Variants in EMSY observed in about 807,000 individuals in gnomAD.
The protein encoded by EMSY is EMSY transcriptional repressor, BRCA2 interacting, also known as BRCA2-interacting transcriptional repressor EMSY.
EMSY carries 26 observed loss-of-function variants against 134.6 expected under a neutral mutation model. That is an observed-to-expected ratio of 0.19 (90% CI 0.14 to 0.27). EMSY has a LOEUF of 0.27. EMSY is among the 10% of genes least tolerant of loss of function. The probability of loss-of-function intolerance (pLI) is 1.00; values close to 1 mark genes in which losing one functional copy is unlikely to be tolerated. For synonymous variants in EMSY, 579 were observed against 577.8 expected (o/e 1.00, Z -0.03); for missense variants, 1,305 against 1,611.4 (o/e 0.81, Z 3.26).
exon 17 of EMSY, chr11:76,539,622 G>T: frequency 6.2e-7 from 1 of 1,613,876 alleles, no homozygotes; most frequent in East Asian, 2.2e-5. Flanking sequence ...GGGGACAGAG[G>T]TTGCTTTTCC....
At chr11:76,535,830 GTTT>G in intron 14 of EMSY, 62 bp from the exon 16 acceptor site, 4 of 906,638 alleles carry the variant, frequency 4.4e-6, no homozygotes, top group Non-Finnish European at 5.8e-6. Context: ...AAAATTGTTT[GTTT>G]TTTTTTTTTT....
At chr11:76,534,741 G>T (rs1387747112) in intron 14 of EMSY, among the ~76,000 whole-genome samples, 1 of 152,002 alleles carries the variant, frequency 6.6e-6, no homozygotes, top group Admixed American at 6.6e-5. Flanking sequence ...CTTTCTGTTT[G>T]TCTTGTTTGC....
intron 8 of EMSY, among the ~76,000 whole-genome samples, chr11:76,487,819 G>A (rs1281700515): frequency 6.6e-6 from 1 of 152,156 alleles, no homozygotes; most frequent in African/African-American, 2.4e-5. Context: ...TCCCAAATCT[G>A]GAAAAGATTC....
rs80253049 is a variant in EMSY at position 76,498,212 on chromosome 11, G to A, written c.1363+1743G>A. ...CACTGTATCATTTCAATTCTTTTAC[G>A]TTTATTGAGGTTTGTTTCTTCACCC... On this transcript the variant is annotated intron_variant, in intron 9 of 20. Transcript: ENST00000334736. Among the ~76,000 whole-genome samples the A allele has an allele frequency of 5.7e-3, 860 of 152,066 alleles. 4 individuals carry two copies. The highest frequency in any genetic ancestry group is 0.018 in the African/African-American group (736 of 41,478).
chr11:76,461,871 G>T (rs1246208166), intron 6 of EMSY, among the ~76,000 whole-genome samples: 1 of 152,120 alleles, frequency 6.6e-6, no homozygotes, highest in East Asian at 1.9e-4. Flanking sequence ...GGCAGAGGTT[G>T]CAGTGAGCTG....
At chr11:76,472,521 A>C in intron 7 of EMSY, 43 bp from the exon 9 acceptor site, 1 of 1,538,710 alleles carries the variant, frequency 6.5e-7, no homozygotes, top group Non-Finnish European at 8.9e-7. Flanking sequence ...ATACATTAGT[A>C]GTTTAGTAGG....
intron 8 of EMSY, 75 bp downstream of exon 9, chr11:76,472,915 T>G: frequency 6.6e-7 from 1 of 1,509,996 alleles, no homozygotes; most frequent in South Asian, 1.2e-5. Context: ...TGGGTATGTT[T>G]CTCTGCTTTG....
At chr11:76,542,241 G>A (rs1457508666) in exon 18 of EMSY, 1 of 1,614,166 alleles carries the variant, frequency 6.2e-7, no homozygotes, top group Non-Finnish European at 8.5e-7. Context: ...AGCCCCAACA[G>A]CCTTCCCAGC....
At chr11:76,484,314 G>A (rs1949095229) in intron 8 of EMSY, among the ~76,000 whole-genome samples, 1 of 152,248 alleles carries the variant, frequency 6.6e-6, no homozygotes, top group South Asian at 2.1e-4. Flanking sequence ...ATCTAAAATT[G>A]ACACCCTAAC....
rs1325751671 is a variant in EMSY, at chr11:76,528,469, A to G, written c.2194+3A>G. ...AGAGTCCTCCCAGAGTTCCCAAGGT[A>G]AGATCTATTTTACTTCTGATTTATA... On this transcript the variant is annotated splice_donor_region_variant and intron_variant, in intron 14 of 20. Transcript: ENST00000334736. 4.4e-6 allele frequency: 7 copies of G among 1,589,762 alleles called. No individual in the cohort carries two copies. In the South Asian group the frequency reaches 5.6e-5, roughly 13 times the overall value.
At chr11:76,526,846 C>T (rs1337723039) in intron 13 of EMSY, among the ~76,000 whole-genome samples, 1 of 152,040 alleles carries the variant, frequency 6.6e-6, no homozygotes, top group Admixed American at 6.6e-5. Context: ...GTATGTTGTG[C>T]TATCAGCAAA....
At chr11:76,517,059 A>G (rs1950473525) in intron 11 of EMSY, among the ~76,000 whole-genome samples, 1 of 152,190 alleles carries the variant, frequency 6.6e-6, no homozygotes, top group African/African-American at 2.4e-5. Flanking sequence ...TGATGTAAAT[A>G]ATCCCAGATT....
chr11:76,521,995 G>A (rs777072463), intron 11 of EMSY, among the ~76,000 whole-genome samples: 3 of 151,998 alleles, frequency 2.0e-5, no homozygotes, highest in Non-Finnish European at 2.9e-5. Context: ...CTCCACTCCC[G>A]TCTGGGTGAC....
At chr11:76,507,507 A>G (rs1056663439) in intron 9 of EMSY, among the ~76,000 whole-genome samples, 1 of 152,230 alleles carries the variant, frequency 6.6e-6, no homozygotes, top group Non-Finnish European at 1.5e-5. Context: ...TATTTCAACA[A>G]CATCCACAGG....
chr11:76,472,819 G>A, exon 8 of EMSY: 1 of 1,614,060 alleles, frequency 6.2e-7, no homozygotes, highest in Non-Finnish European at 8.5e-7. Context: ...ACCATCTGTG[G>A]TCATGTCAAC....
chr11:76,515,742 A>G lies in EMSY; in HGVS notation c.1514-400A>G, dbSNP rs550039156. On this transcript the variant is annotated intron_variant, in intron 10 of 20. Transcript: ENST00000334736. The stretch of plus-strand genomic sequence containing the variant: ...CCAACATTGGGTTTGGCACTAAGAC[A>G]GCATAAAACAGATGCAGAGACCTTA... 2.0e-5 allele frequency among the ~76,000 whole-genome samples: 3 copies of G among 152,350 alleles called. No individual in the cohort carries two copies. The South Asian group carries it at 6.2e-4, about 32-fold the overall frequency.
At chr11:76,522,158 G>C (rs377499044) in intron 11 of EMSY, among the ~76,000 whole-genome samples, 1 of 152,268 alleles carries the variant, frequency 6.6e-6, no homozygotes, top group East Asian at 1.9e-4. Context: ...GCCAATTATG[G>C]AAGGATGTGT....
At chr11:76,478,789 AATTT>A (rs1948864393) in intron 8 of EMSY, among the ~76,000 whole-genome samples, 1 of 150,086 alleles carries the variant, frequency 6.7e-6, no homozygotes, top group East Asian at 1.9e-4. Flanking sequence ...ATTGTTGCAT[AATTT>A]ATTAAATTTA....
Position 76,514,528 on chromosome 11 carries a change from C to G in EMSY, c.1513+993C>G, listed in dbSNP as rs1206370005. Among the ~76,000 whole-genome samples, 3 of 152,166 alleles carry G rather than the reference C, an allele frequency of 2.0e-5. No homozygotes were observed. The South Asian group carries it at 6.2e-4, about 32-fold the overall frequency. ...CCAAGGTCATGTAGCCAAAAAGAGG[C>G]AGAACTGGGGATTGAACCAGTTTGA... is the stretch of plus-strand genomic sequence containing the variant. On this transcript the variant is annotated intron_variant, in intron 10 of 20. Transcript: ENST00000334736.
Sources: gnomAD v4.1 joint callset for allele counts (sites outside exome capture counted in the v4.1 genomes callset) on GRCh38, gnomAD v4.1.1 for gene constraint, MANE v1.5 for transcripts, NCBI Gene and HGNC (gene_info 2026-07-23, HGNC 2026-07-21) for gene names.